The following ERGIC2 variants were observed in gnomAD, a reference collection of about 807,000 sequenced individuals.
ERGIC2 encodes the protein ERGIC and golgi 2.
A neutral mutation model predicts 52.5 loss-of-function variants in ERGIC2; 31 were observed. That is an observed-to-expected ratio of 0.59 (90% CI 0.44 to 0.80). The LOEUF (loss-of-function observed/expected upper bound fraction) is 0.80, where lower values mean the gene tolerates loss of function less well. Ranked by LOEUF, ERGIC2 falls within the 30% of genes least tolerant of loss-of-function variation. The pLI is 0.00. For missense variants in ERGIC2, 395 were observed against 455.2 expected (o/e 0.87, Z 1.20); for synonymous variants, 129 against 140.6 (o/e 0.92, Z 0.58).
intron 1 of ERGIC2, chr12:29,372,479 C>T (rs1021983770): frequency 1.3e-5 from 2 of 152,138 alleles, no homozygotes; most frequent in African/African-American, 2.4e-5. Context: ...CACTCCTCTT[C>T]TAAGTAAATG....
chr12:29,342,165 C>T (rs965723504), intron 12 of ERGIC2, among the ~76,000 whole-genome samples: 5 of 152,152 alleles, frequency 3.3e-5, no homozygotes, highest in Non-Finnish European at 7.3e-5. Context: ...GCATGTACCA[C>T]CATGCCCGGC....
chr12:29,357,637 T>G lies in ERGIC2; in HGVS notation c.462A>C (p.Thr154=). 1 of 1,563,048 alleles carries G rather than the reference T, an allele frequency of 6.4e-7. No homozygotes were observed. The highest frequency in any genetic ancestry group is 1.4e-5 in the African/African-American group (1 of 73,966). The change falls in exon 7 of 14, where the codon ACA becomes ACC. Residue 154 remains threonine (T), a synonymous_variant. Transcript: ENST00000360150. ...IFKSAFKSTS[T]ALPPREDDSS... is the part of the protein sequence containing the mutation. ...ACAGATCTCACCTTGGTGGAAGAGC[T>G]GTTGATGTACTTTTAAAAGCACTTT...
At chr12:29,356,355 T>C (rs1940204754) in intron 8 of ERGIC2, 27 bp downstream of exon 8, 1 of 1,305,246 alleles carries the variant, frequency 7.7e-7, no homozygotes, top group East Asian at 2.3e-5. Context: ...TTGTCTAAAG[T>C]ATTTTCAGTA....
Position 29,371,567 on chromosome 12 carries a change from G to A in ERGIC2, c.67C>T (p.Pro23Ser). 1.9e-5 allele frequency: 31 copies of A among 1,613,404 alleles called. No homozygotes were observed. Among genetic ancestry groups the A allele is most frequent in the Non-Finnish European group, 2.6e-5 (31 of 1,179,666 alleles). ...GCTGAAGTCTCTACATAGCTCTCAG[G>A]AACCTTCGGAAAGGCATCCAACTCT... The part of the protein sequence containing the change: ...VKELDAFPKV[P>S]ESYVETSASG... Residue 23 changes from proline to serine, a missense_variant, in exon 2 of 14, where the codon CCT (proline) becomes TCT (serine). Physicochemically the swap from Pro to Ser is moderately conservative, Grantham distance 74. Coordinates refer to ENST00000360150, the MANE Select transcript of ERGIC2 (RefSeq NM_016570.3).
At chr12:29,352,337 C>T (rs1273281784) in intron 8 of ERGIC2, among the ~76,000 whole-genome samples, 1 of 152,064 alleles carries the variant, frequency 6.6e-6, no homozygotes, top group African/African-American at 2.4e-5. Flanking sequence ...TTATATTACT[C>T]CCCTTCTGAT....
chr12:29,365,710 T>A (rs1284323976), intron 5 of ERGIC2, among the ~76,000 whole-genome samples: 1 of 151,644 alleles, frequency 6.6e-6, no homozygotes, highest in Non-Finnish European at 1.5e-5. Context: ...AAATAAGTAT[T>A]CTTAAGATAG....
At chr12:29,362,057 T>C (rs1054528492) in intron 5 of ERGIC2, among the ~76,000 whole-genome samples, 2 of 152,256 alleles carry the variant, frequency 1.3e-5, no homozygotes, top group Admixed American at 6.5e-5. Flanking sequence ...TATTCAAGCA[T>C]CCAAAGCCCA....
At chr12:29,355,161 A>G (rs1000706250) in intron 8 of ERGIC2, among the ~76,000 whole-genome samples, 1 of 152,130 alleles carries the variant, frequency 6.6e-6, no homozygotes, top group Admixed American at 6.5e-5. Flanking sequence ...CTTCCTCAAT[A>G]AAGTCTCCAC....
intron 3 of ERGIC2, 51 bp downstream of exon 3, chr12:29,370,063 T>C (rs1291356356): frequency 1.4e-6 from 2 of 1,430,486 alleles, no homozygotes; most frequent in Non-Finnish European, 1.8e-6. Flanking sequence ...GTATGCTCTT[T>C]TTAAAACAAT....
At chr12:29,358,436 T>G (rs1160591183) in intron 6 of ERGIC2, among the ~76,000 whole-genome samples, 2 of 152,158 alleles carry the variant, frequency 1.3e-5, no homozygotes, top group Non-Finnish European at 2.9e-5. Flanking sequence ...GTGAAATCAT[T>G]CTGTATGGCA....
chr12:29,355,324 T>C (rs988689804), intron 8 of ERGIC2, among the ~76,000 whole-genome samples: 2 of 152,182 alleles, frequency 1.3e-5, no homozygotes, highest in Non-Finnish European at 2.9e-5. Flanking sequence ...CTATTTAAAA[T>C]AACAAGTCAT....
At chr12:29,370,078 A>T in intron 3 of ERGIC2, 36 bp downstream of exon 3, 1 of 1,468,758 alleles carries the variant, frequency 6.8e-7, no homozygotes, top group Non-Finnish European at 9.0e-7. Flanking sequence ...AACAATTTGA[A>T]TCTAAAGGTA....
intron 4 of ERGIC2, 92 bp downstream of exon 4, chr12:29,368,149 A>G: frequency 1.3e-6 from 1 of 794,674 alleles, no homozygotes; most frequent in East Asian, 2.6e-5. Context: ...TATAAAGGAA[A>G]AATAAAGTAC....
intron 6 of ERGIC2, among the ~76,000 whole-genome samples, chr12:29,358,970 T>G (rs977980525): frequency 2.0e-5 from 3 of 152,234 alleles, no homozygotes; most frequent in Non-Finnish European, 4.4e-5. Flanking sequence ...GTCCAGGGTT[T>G]GAAATTTACA....
chr12:29,352,029 G>A (rs1305376894), intron 8 of ERGIC2, among the ~76,000 whole-genome samples: 1 of 152,086 alleles, frequency 6.6e-6, no homozygotes, highest in Non-Finnish European at 1.5e-5. Context: ...CTTTAAAAAT[G>A]CAACATTTGA....
At chr12:29,380,596 T>TC (rs1940575073) in intron 1 of ERGIC2, 1 of 150,122 alleles carries the variant, frequency 6.7e-6, no homozygotes, top group South Asian at 2.1e-4. Context: ...CATCTCGCCC[T>TC]CCCCCGCCCC....
chr12:29,370,273 C>T (rs762617227), intron 2 of ERGIC2, 51 bp from the exon 3 acceptor site: 1 of 1,480,156 alleles, frequency 6.8e-7, no homozygotes, highest in Admixed American at 2.8e-5. Context: ...ATAAAAAAAG[C>T]AAAGAATAGG....
chr12:29,355,311 G>A (rs1383486931), intron 8 of ERGIC2, among the ~76,000 whole-genome samples: 1 of 151,992 alleles, frequency 6.6e-6, no homozygotes, highest in South Asian at 2.1e-4. Flanking sequence ...TAGAATGTCA[G>A]GCCTATTTAA....
At chr12:29,347,256 T>TAACC (rs972331057) in intron 10 of ERGIC2, among the ~76,000 whole-genome samples, 2 of 152,184 alleles carry the variant, frequency 1.3e-5, no homozygotes, top group African/African-American at 4.8e-5. Flanking sequence ...AAGACATACA[T>TAACC]AACCACCTTC....
Sources: gnomAD v4.1 joint callset for allele counts (sites outside exome capture counted in the v4.1 genomes callset) on GRCh38, gnomAD v4.1.1 for gene constraint, MANE v1.5 for transcripts, NCBI Gene and HGNC (gene_info 2026-07-23, HGNC 2026-07-21) for gene names.